Variants in ERBB4 observed in about 807,000 individuals in gnomAD.
The protein encoded by ERBB4 is receptor tyrosine-protein kinase erbB-4.
Under a neutral mutation model 158.0 loss-of-function variants are expected in ERBB4, and 42 were observed. The observed-to-expected ratio is 0.27, with a 90% CI of 0.21 to 0.34. The LOEUF is 0.34. Ranked by LOEUF, ERBB4 falls within the 10% of genes least tolerant of loss-of-function variation. The pLI, the probability that ERBB4 is intolerant of heterozygous loss-of-function variation, is 1.00. For missense variants in ERBB4, 1,333 were observed against 1,624.1 expected, an observed-to-expected ratio of 0.82 and a Z score of 3.08; for synonymous variants, 583 against 558.7, an observed-to-expected ratio of 1.04 and a Z score of -0.61.
intron 4 of ERBB4, among the ~76,000 whole-genome samples, chr2:211,784,858 A>G (rs2076119567): frequency 6.6e-6 from 1 of 152,162 alleles, no homozygotes; most frequent in Non-Finnish European, 1.5e-5. Flanking sequence ...TCTAATGATT[A>G]GTAATGTTGA....
chr2:212,513,730 T>G (rs1477322126), intron 1 of ERBB4, among the ~76,000 whole-genome samples: 1 of 152,122 alleles, frequency 6.6e-6, no homozygotes, highest in African/African-American at 2.4e-5. Flanking sequence ...GAGAATGGCA[T>G]GAACCCAGGA....
intron 1 of ERBB4, among the ~76,000 whole-genome samples, chr2:212,388,546 T>C (rs1311266202): frequency 6.6e-6 from 1 of 151,978 alleles, no homozygotes; most frequent in African/African-American, 2.4e-5. Context: ...GGGTAAACAC[T>C]AGGGTTAAAG....
intron 1 of ERBB4, among the ~76,000 whole-genome samples, chr2:212,450,430 G>A (rs1195509879): frequency 6.6e-6 from 1 of 152,122 alleles, no homozygotes; most frequent in Non-Finnish European, 1.5e-5. Context: ...AGAGTTAAGA[G>A]GAGATGTGAG....
Position 211,378,423 on chromosome 2 carries a change from T to C in ERBB4, c.*5192A>G, listed in dbSNP as rs1316345333. On this transcript the variant is annotated 3_prime_UTR_variant, in exon 28 of 28. Transcript: ENST00000342788. ...GGACCTCTACAAAATCAGTGAGACTTGAACCGAGTATCTGAAATTTCTATT... is the reference window on the plus strand; with the variant it reads ...GGACCTCTACAAAATCAGTGAGACTCGAACCGAGTATCTGAAATTTCTATT... 4.3e-6 allele frequency: 1 copy of C among 232,712 alleles called. No homozygotes were observed. Among genetic ancestry groups the C allele is most frequent in the East Asian group, 6.1e-5 (1 of 16,518 alleles). 14.4% of individuals were successfully genotyped at this position (232,712 alleles called of 1,614,324 possible).
At chr2:211,580,799 T>TATAGATATATATAG (rs1290679296) in intron 19 of ERBB4, among the ~76,000 whole-genome samples, 1 of 17,312 alleles carries the variant, frequency 5.8e-5, no homozygotes, top group African/African-American at 5.9e-4. Context: ...TATATATATA[T>TATAGATATATATAG]ATATATATAT....
intron 1 of ERBB4, among the ~76,000 whole-genome samples, chr2:212,487,769 A>C (rs1160851537): frequency 6.6e-6 from 1 of 152,172 alleles, no homozygotes; most frequent in East Asian, 1.9e-4. Context: ...TAAAATATCA[A>C]GCATTGAGCT....
intron 3 of ERBB4, among the ~76,000 whole-genome samples, chr2:211,900,593 C>T (rs538739250): frequency 1.3e-4 from 20 of 152,014 alleles, no homozygotes; most frequent in African/African-American, 3.9e-4. Context: ...TAAGTAATTA[C>T]GCTTTAGTAA....
rs572950261 is a variant in ERBB4, at chr2:211,804,690, T to C, written c.422-16531A>G. ...TACCAAAAGACTTATGGGAATCAAA[T>C]TGGAGTCCAAGGTTGATTTCTTTTC... On this transcript the variant is annotated intron_variant, in intron 3 of 27. Transcript: ENST00000342788. Among the ~76,000 whole-genome samples, 7 of 152,218 alleles carry C rather than the reference T, an allele frequency of 4.6e-5. No individual in the cohort carries two copies. The East Asian group carries it at 9.7e-4, about 21-fold the overall frequency.
At position 211,578,512 on chromosome 2, in the gene ERBB4, G is replaced by C. The variant is rs1001745222; in HGVS notation, c.2302-16424C>G. Among the ~76,000 whole-genome samples, 29 of 151,942 alleles carry C rather than the reference G, an allele frequency of 1.9e-4. 1 individual carries two copies. The highest frequency in any genetic ancestry group is 5.6e-4 in the African/African-American group (23 of 41,396). ...CATAGCCAAGACAATCCTAAGCAAA[G>C]AGAAAAAAGCTTGAAGCATCATGGT... On this transcript the variant is annotated intron_variant, in intron 19 of 27. Transcript: ENST00000342788.
At chr2:212,087,237 G>A (rs546994092) in intron 2 of ERBB4, among the ~76,000 whole-genome samples, 5 of 151,828 alleles carry the variant, frequency 3.3e-5, no homozygotes, top group Non-Finnish European at 7.4e-5. Flanking sequence ...TCACTAAATA[G>A]TGAGTATGCA....
intron 19 of ERBB4, among the ~76,000 whole-genome samples, chr2:211,575,711 A>G (rs1407040930): frequency 6.6e-6 from 1 of 152,192 alleles, no homozygotes; most frequent in Non-Finnish European, 1.5e-5. Flanking sequence ...CAAAATTAGA[A>G]AAATGCTACC....
At chr2:212,133,674 A>G (rs1292341777) in intron 1 of ERBB4, among the ~76,000 whole-genome samples, 1 of 151,816 alleles carries the variant, frequency 6.6e-6, no homozygotes, top group Non-Finnish European at 1.5e-5. Flanking sequence ...AAGAATATAC[A>G]TAAAGGAAGG....
intron 3 of ERBB4, among the ~76,000 whole-genome samples, chr2:211,945,187 T>G (rs1179032467): frequency 6.6e-6 from 1 of 152,132 alleles, no homozygotes; most frequent in Non-Finnish European, 1.5e-5. Flanking sequence ...AGAGAAAATT[T>G]TATCCCATAT....
intron 1 of ERBB4, among the ~76,000 whole-genome samples, chr2:212,372,335 T>A (rs934088095): frequency 1.2e-4 from 19 of 152,192 alleles, no homozygotes; most frequent in Admixed American, 1.2e-3. Flanking sequence ...AATATGGAAC[T>A]ATAGCACATT....
chr2:212,311,731 A>C lies in ERBB4; in HGVS notation c.83-186828T>G, dbSNP rs979517276. 2.6e-5 allele frequency among the ~76,000 whole-genome samples: 4 copies of C among 150,974 alleles called. No homozygotes were observed. In the Admixed American group the frequency reaches 2.7e-4, roughly 10 times the overall value. ...ATTCATAACAATTTTGGAAATAAAA[A>C]AGCTTCTATCCATTAACCAGAAGCA... On this transcript the variant is annotated intron_variant, in intron 1 of 27. Coordinates refer to ENST00000342788, the MANE Select transcript of ERBB4 (RefSeq NM_005235.3).
chr2:212,046,671 T>C (rs1263321845), intron 2 of ERBB4, among the ~76,000 whole-genome samples: 1 of 152,204 alleles, frequency 6.6e-6, no homozygotes, highest in Non-Finnish European at 1.5e-5. Context: ...CTATTTGCCA[T>C]TGCAATGGAG....
chr2:211,540,733 A>AT (rs2066783910), intron 20 of ERBB4, among the ~76,000 whole-genome samples: 1 of 111,050 alleles, frequency 9.0e-6, no homozygotes, highest in Non-Finnish European at 1.9e-5. Context: ...CACTAGAGAA[A>AT]TATTTTTTTT....
chr2:211,870,034 G>A (rs921777202), intron 3 of ERBB4, among the ~76,000 whole-genome samples: 10 of 152,124 alleles, frequency 6.6e-5, no homozygotes, highest in Admixed American at 1.3e-4. Flanking sequence ...GATTCTCCCA[G>A]TATCCATCAT....
At chr2:211,724,973 C>T (rs1392419479) in intron 6 of ERBB4, 103 bp downstream of exon 6, 2 of 920,654 alleles carry the variant, frequency 2.2e-6, no homozygotes, top group Non-Finnish European at 3.6e-6. Flanking sequence ...CCTAAAGTGG[C>T]TAAAGTTGAT....
Sources: gnomAD v4.1 joint callset for allele counts (sites outside exome capture counted in the v4.1 genomes callset) on GRCh38, gnomAD v4.1.1 for gene constraint, MANE v1.5 for transcripts, NCBI Gene and HGNC (gene_info 2026-07-23, HGNC 2026-07-21) for gene names.